Variants in TRIM63 observed in about 807,000 individuals in gnomAD.
TRIM63 encodes tripartite motif containing 63, also known as E3 ubiquitin-protein ligase TRIM63.
In TRIM63, 48 loss-of-function variants were observed where a neutral mutation model predicts 46.0. The ratio of observed to expected loss-of-function variants is 1.04; its 90% CI spans 0.83 to 1.33. The LOEUF is 1.33. Ranked by LOEUF, TRIM63 falls within the 40% of genes most tolerant of loss-of-function variation. TRIM63 has a pLI of 0.00. For synonymous variants in TRIM63, 175 were observed against 162.8 expected, an observed-to-expected ratio of 1.08 and a Z score of -0.57; for missense variants, 455 against 441.2, an observed-to-expected ratio of 1.03 and a Z score of -0.28.
Position 26,058,521 on chromosome 1 carries a change from C to G in TRIM63, c.700G>C (p.Glu234Gln). ...ATGAAGCTAAGCTTTTTCTCCTGCT[C>G]CTGCGTGATCCGCTGCAGCAACTCA... ...KSELLQRITQ[E>Q]QEKKLSFIEA... is the part of the protein sequence containing the mutation. Residue 234 changes from glutamate to glutamine, a missense_variant, in exon 5 of 9, where the codon GAG (glutamate) becomes CAG (glutamine). Physicochemically the swap from Glu to Gln is conservative, Grantham distance 29. Coordinates refer to ENST00000374272, the MANE Select transcript of TRIM63 (RefSeq NM_032588.4). 1 of 1,614,178 alleles carries G rather than the reference C, an allele frequency of 6.2e-7. No homozygotes were observed. The highest frequency in any genetic ancestry group is 8.5e-7 in the Non-Finnish European group (1 of 1,180,016).
intron 7 of TRIM63, among the ~76,000 whole-genome samples, chr1:26,056,252 T>C (rs2050569361): frequency 6.6e-6 from 1 of 152,230 alleles, no homozygotes; most frequent in Non-Finnish European, 1.5e-5. Context: ...TCCTTTGTTA[T>C]TTTCACCCTT....
intron 5 of TRIM63, 69 bp from the exon 6 acceptor site, chr1:26,057,719 G>A (rs2050586044): frequency 6.7e-7 from 1 of 1,500,682 alleles, no homozygotes; most frequent in Admixed American, 2.0e-5. Flanking sequence ...AGCAAAACTA[G>A]TGAACTAGGT....
rs1212875831 is a variant in TRIM63, at chr1:26,061,241, G to A, written c.426C>T (p.Cys142=). 2 of 1,614,196 alleles carry A rather than the reference G, an allele frequency of 1.2e-6. No individual in the cohort carries two copies. Among genetic ancestry groups the A allele is most frequent in the Non-Finnish European group, 1.7e-6 (2 of 1,180,030 alleles). ...GGATCCCAAACACCTTGCACATGGA[G>A]CAGGTGGGCACCTCACACGTGAGAC... ...IYCLTCEVPT[C]SMCKVFGIHK... Residue 142 remains cysteine (C), a synonymous_variant, in exon 3 of 9, where the codon TGC becomes TGT. Coordinates refer to ENST00000374272, the MANE Select transcript of TRIM63 (RefSeq NM_032588.4).
Position 26,066,440 on chromosome 1 carries a change from C to A in TRIM63, c.160G>T (p.Ala54Ser). Residue 54 changes from alanine (A) to serine (S), a missense_variant and splice_region_variant, in exon 2 of 9, where the codon GCT (alanine) becomes TCT (serine). Coordinates refer to ENST00000374272, the MANE Select transcript of TRIM63 (RefSeq NM_032588.4). ...CRKCANDIFQ[A>S]ANPYWTSRGS... ...CGGCTGGTCCAGTAGGGATTTGCAGCCTGCAGGTGGCAAAGGTCAAGGTGA... is the reference window on the plus strand; with the variant it reads ...CGGCTGGTCCAGTAGGGATTTGCAGACTGCAGGTGGCAAAGGTCAAGGTGA... The A allele has an allele frequency of 6.4e-7, 1 of 1,572,770 alleles. No individual in the cohort carries two copies. Among genetic ancestry groups the A allele is most frequent in the Non-Finnish European group, 8.6e-7 (1 of 1,157,152 alleles).
chr1:26,055,742 C>A (rs1014081706), intron 7 of TRIM63, among the ~76,000 whole-genome samples: 4 of 152,074 alleles, frequency 2.6e-5, no homozygotes, highest in Admixed American at 2.0e-4. Context: ...AACTCCTGAC[C>A]TCAGGTGATC....
rs947002968 is a variant in TRIM63, at chr1:26,053,892, C to A, written c.1051+1G>T. 4 of 1,591,900 alleles carry A rather than the reference C, an allele frequency of 2.5e-6. No homozygotes were observed. The highest frequency in any genetic ancestry group is 3.4e-6 in the Non-Finnish European group (4 of 1,170,834). On this transcript the variant is annotated splice_donor_variant, in intron 8 of 8. Coordinates refer to ENST00000374272, the MANE Select transcript of TRIM63 (RefSeq NM_032588.4). LOFTEE classifies it high-confidence loss of function. The stretch of plus-strand genomic sequence containing the variant: ...GGAATGGAGGTAGATGAATTTCTTA[C>A]CTTCTTCCTTCCCTTCTGTGGACTC...
Position 26,058,388 on chromosome 1 carries a change from A to C in TRIM63, c.831+2T>G, listed in dbSNP as rs780549059. 1.1e-5 allele frequency: 18 copies of C among 1,613,514 alleles called. No individual in the cohort carries two copies. Among genetic ancestry groups the C allele is most frequent in the Non-Finnish European group, 1.5e-5 (18 of 1,179,804 alleles). On this transcript the variant is annotated splice_donor_variant, in intron 5 of 8. Coordinates refer to ENST00000374272, the MANE Select transcript of TRIM63 (RefSeq NM_032588.4). LOFTEE classifies it high-confidence loss of function. ...CACCCAGACCCTTCTAGTCCTGCTCACCAAGAGGAAGGTGGCTCCCCCAGG... is the reference window on the plus strand; with the variant it reads ...CACCCAGACCCTTCTAGTCCTGCTCCCCAAGAGGAAGGTGGCTCCCCCAGG...
intron 8 of TRIM63, among the ~76,000 whole-genome samples, chr1:26,053,240 AGC>A (rs1438104898): frequency 2.0e-5 from 3 of 151,914 alleles, no homozygotes; most frequent in Non-Finnish European, 4.4e-5. Context: ...CACCACACCC[AGC>A]CAGCAAGTAT....
At chr1:26,058,660 T>G in intron 4 of TRIM63, 37 bp from the exon 5 acceptor site, 1 of 1,569,156 alleles carries the variant, frequency 6.4e-7, no homozygotes, top group Non-Finnish European at 8.8e-7. Context: ...TTCTGTAGGG[T>G]CTTTATTCCC....
chr1:26,067,266 G>C lies in TRIM63; in HGVS notation c.159+70C>G, dbSNP rs1171557731. The C allele has an allele frequency of 3.8e-6, 6 of 1,570,248 alleles. No homozygotes were observed. In the African/African-American group the frequency reaches 8.1e-5, roughly 21 times the overall value. Reference sequence around the variant, plus strand: ...CTGTCCAGGTTGGAAGTCTAAGGGAGAAGGGTTTCATCACAGGGAAGCCAA... The same window carrying C: ...CTGTCCAGGTTGGAAGTCTAAGGGACAAGGGTTTCATCACAGGGAAGCCAA... On this transcript the variant is annotated intron_variant, in intron 1 of 8. Coordinates refer to ENST00000374272, the MANE Select transcript of TRIM63 (RefSeq NM_032588.4).
chr1:26,066,647 G>C (rs2050681410), intron 1 of TRIM63, among the ~76,000 whole-genome samples: 1 of 152,210 alleles, frequency 6.6e-6, no homozygotes, highest in Non-Finnish European at 1.5e-5. Context: ...GGAGGCAGGA[G>C]ACCTGGGTTC....
rs543180057 is a variant in TRIM63, at chr1:26,067,593, G to T, written c.-99C>A. On this transcript the variant is annotated 5_prime_UTR_variant, in exon 1 of 9. Coordinates refer to ENST00000374272, the MANE Select transcript of TRIM63 (RefSeq NM_032588.4). ...TGCCTTTGTCACAAAACACCGGGTC[G>T]GATCCTGTTGGCTTCCTTCTCCTGG... is the stretch of plus-strand genomic sequence containing the variant. 11 of 1,349,062 alleles carry T rather than the reference G, an allele frequency of 8.2e-6. No homozygotes were observed. Among genetic ancestry groups the T allele is most frequent in the Non-Finnish European group, 7.0e-6 (7 of 994,290 alleles). The allele number at this position is 1,349,062 out of a possible 1,614,324, so 83.6% of individuals were successfully genotyped here.
At chr1:26,063,806 G>A (rs1449228066) in intron 2 of TRIM63, among the ~76,000 whole-genome samples, 2 of 152,336 alleles carry the variant, frequency 1.3e-5, no homozygotes, top group South Asian at 2.1e-4. Context: ...TCAATAGAGG[G>A]CAGCTGTCAT....
rs146641597 is a variant in TRIM63 at position 26,066,430 on chromosome 1, G to A, written c.170C>T (p.Pro57Leu). The A allele has an allele frequency of 3.2e-5, 51 of 1,582,192 alleles. No individual in the cohort carries two copies. In the African/African-American group the frequency reaches 5.9e-4, roughly 18 times the overall value. ...CANDIFQAAN[P>L]YWTSRGSSVS... ...TGAGCTGCCCCGGCTGGTCCAGTAG[G>A]GATTTGCAGCCTGCAGGTGGCAAAG... The change falls in exon 2 of 9, where the codon CCC becomes CTC. Residue 57 changes from proline (P) to leucine (L), a missense_variant. Transcript: ENST00000374272.
At chr1:26,051,997 C>A in intron 8 of TRIM63, 114 bp from the exon 9 acceptor site, 1 of 871,238 alleles carries the variant, frequency 1.1e-6, no homozygotes, top group East Asian at 3.2e-5. Flanking sequence ...CATCAAACTC[C>A]AATTCCTCCC....
chr1:26,062,532 T>C (rs889404265), intron 2 of TRIM63, among the ~76,000 whole-genome samples: 2 of 152,212 alleles, frequency 1.3e-5, no homozygotes, highest in East Asian at 3.8e-4. Flanking sequence ...GCAGTGTGTA[T>C]GCCCCATGTC....
At chr1:26,060,776 A>G (rs2050616646) in intron 3 of TRIM63, among the ~76,000 whole-genome samples, 1 of 152,198 alleles carries the variant, frequency 6.6e-6, no homozygotes, top group South Asian at 2.1e-4. Context: ...GGGCCCTCAC[A>G]GGCCCAGGGA....
At chr1:26,054,238 G>A (rs1461608392) in intron 7 of TRIM63, among the ~76,000 whole-genome samples, 1 of 9,614 alleles carries the variant, frequency 1.0e-4, no homozygotes, top group Non-Finnish European at 1.0e-3. Context: ...TCACCTGCTC[G>A]CCTGTGACCA....
Position 26,057,060 on chromosome 1 carries a change from G to T in TRIM63, c.979+143C>A, listed in dbSNP as rs1216581055. On this transcript the variant is annotated intron_variant, in intron 7 of 8. Transcript: ENST00000374272. The stretch of plus-strand genomic sequence containing the variant: ...TTACAGGCATGAGCCACCACAGCCG[G>T]CCAGAAGTTGGCTATATGAGTTTGA... The T allele has an allele frequency of 1.6e-5, 17 of 1,086,746 alleles. No individual in the cohort carries two copies. The Admixed American group carries it at 1.9e-4, about 12-fold the overall frequency. 67.3% of individuals were successfully genotyped at this position (1,086,746 alleles called of 1,614,324 possible).
Sources: gnomAD v4.1 joint callset for allele counts (sites outside exome capture counted in the v4.1 genomes callset) on GRCh38, gnomAD v4.1.1 for gene constraint, MANE v1.5 for transcripts, NCBI Gene and HGNC (gene_info 2026-07-23, HGNC 2026-07-21) for gene names.